The following AP1AR variants were observed in gnomAD, a reference collection of about 807,000 sequenced individuals.
The protein encoded by AP1AR is AP-1 complex-associated regulatory protein.
A neutral mutation model predicts 46.3 loss-of-function variants in AP1AR; 29 were observed. The ratio of observed to expected loss-of-function variants is 0.63; its 90% CI spans 0.47 to 0.85. AP1AR has a LOEUF of 0.85. AP1AR is among the 40% of genes least tolerant of loss of function. AP1AR has a pLI of 0.00. For missense variants in AP1AR, 357 were observed against 356.3 expected (o/e 1.00, Z -0.02); for synonymous variants, 122 against 122.9 (o/e 0.99, Z 0.05).
At position 112,232,153 on chromosome 4, in the gene AP1AR, A is replaced by G. The variant is rs773576366; in HGVS notation, c.62A>G (p.Gln21Arg). ...CTTCGCAAGGAAGCGGGGCGGCTGC[A>G]GCGAGTAGGCGGCGGCGGAGGGTAA... ...GLLRKEAGRL[Q>R]RVGGGGGSKY... The change falls in exon 1 of 10, where the codon CAG (glutamine) becomes CGG (arginine). Residue 21 changes from glutamine (Q) to arginine (R), a missense_variant. Coordinates refer to ENST00000274000, the MANE Select transcript of AP1AR (RefSeq NM_018569.6). 9.4e-6 allele frequency: 12 copies of G among 1,283,232 alleles called. No individual in the cohort carries two copies. The East Asian group carries it at 2.8e-4, about 30-fold the overall frequency. 79.5% of individuals were successfully genotyped at this position (1,283,232 alleles called of 1,614,324 possible).
intron 1 of AP1AR, among the ~76,000 whole-genome samples, chr4:112,242,405 G>A (rs1725541908): frequency 6.6e-6 from 1 of 151,938 alleles, no homozygotes; most frequent in African/African-American, 2.4e-5. Context: ...ATCTGTCTTA[G>A]GCTGTGTCGA....
At chr4:112,232,398 C>T (rs1725052607) in intron 1 of AP1AR, among the ~76,000 whole-genome samples, 1 of 152,216 alleles carries the variant, frequency 6.6e-6, no homozygotes, top group Non-Finnish European at 1.5e-5. Flanking sequence ...GGGTGTCCCT[C>T]CTGCCAGGGC....
chr4:112,249,907 A>G (rs1208024873), intron 1 of AP1AR, among the ~76,000 whole-genome samples: 1 of 152,210 alleles, frequency 6.6e-6, no homozygotes, highest in African/African-American at 2.4e-5. Flanking sequence ...GGCAATTACT[A>G]TCATCTGATG....
chr4:112,268,580 A>T lies in AP1AR; in HGVS notation c.*171A>T. 2 of 538,932 alleles carry T rather than the reference A, an allele frequency of 3.7e-6. No homozygotes were observed. Among genetic ancestry groups the T allele is most frequent in the Non-Finnish European group, 5.8e-6 (2 of 343,938 alleles). The allele number at this position is 538,932 out of a possible 1,614,324, so 33.4% of individuals were successfully genotyped here. A position where few individuals can be genotyped will look rare whatever the true frequency, so the allele number is the denominator to read the frequency against. ...GATGATAGGATCTGAATTGATACAG[A>T]ATTAAGTGCAATTTCATCATCTGCC... On this transcript the variant is annotated 3_prime_UTR_variant, in exon 10 of 10. Transcript: ENST00000274000.
chr4:112,261,503 G>A (rs1726440747), intron 5 of AP1AR, among the ~76,000 whole-genome samples: 1 of 152,050 alleles, frequency 6.6e-6, no homozygotes, highest in South Asian at 2.1e-4. Context: ...TTTTTGAAGA[G>A]TTTTTATCTT....
At chr4:112,245,488 C>T (rs553374729) in intron 1 of AP1AR, among the ~76,000 whole-genome samples, 14 of 152,232 alleles carry the variant, frequency 9.2e-5, no homozygotes, top group Admixed American at 4.6e-4. Context: ...AGATACTTTA[C>T]GTAATTTTTT....
rs74896176 is a variant in AP1AR, at chr4:112,249,222, G to A, written c.84-3986G>A. Among the ~76,000 whole-genome samples the A allele has an allele frequency of 1.9e-3, 285 of 151,698 alleles. 9 individuals are homozygous for A. In the East Asian group the frequency reaches 0.045, roughly 24 times the overall value. ...GGCAGGAGAATTGCTTGAACCCAGC[G>A]GGTGGAGGTTGTGAGCCAAGATCGT... On this transcript the variant is annotated intron_variant, in intron 1 of 9. Coordinates refer to ENST00000274000, the MANE Select transcript of AP1AR (RefSeq NM_018569.6).
At chr4:112,244,245 G>C (rs561213171) in intron 1 of AP1AR, among the ~76,000 whole-genome samples, 69 of 152,256 alleles carry the variant, frequency 4.5e-4, no homozygotes, top group African/African-American at 1.6e-3. Flanking sequence ...TGCATTTGTA[G>C]TTAAAATCCT....
In AP1AR at chr4:112,268,998, A is replaced by G. The variant is rs985762530; in HGVS notation, c.*589A>G. 1.1e-4 allele frequency: 17 copies of G among 151,778 alleles called. No individual in the cohort carries two copies. The highest frequency in any genetic ancestry group is 3.9e-4 in the African/African-American group (16 of 41,478). 9.4% of individuals were successfully genotyped at this position (151,778 alleles called of 1,614,324 possible). ...GTTTATTTACATGTCCTAGTATGAT[A>G]ATGTTGATTCAATCTGAACAAAAGA... On this transcript the variant is annotated 3_prime_UTR_variant, in exon 10 of 10. Transcript: ENST00000274000.
Position 112,253,230 on chromosome 4 carries a change from T to G in AP1AR, c.106T>G (p.Ser36Ala), listed in dbSNP as rs1391661074. 3 of 1,611,096 alleles carry G rather than the reference T, an allele frequency of 1.9e-6. No individual in the cohort carries two copies. The highest frequency in any genetic ancestry group is 2.7e-5 in the African/African-American group (2 of 74,760). The change falls in exon 2 of 10, where the codon TCA becomes GCA. Residue 36 changes from serine (S) to alanine (A), a missense_variant. By Grantham distance (99) the Ser-to-Ala change is moderately conservative (BLOSUM62 1). This residue lies in a region of AP1AR where 269 missense variants were observed against 223.6 expected (regional missense o/e 1.20). Transcript: ENST00000274000. Reference protein sequence around the residue: ...GGGSKYFRTCSRGEHLTIEFE... With the variant: ...GGGSKYFRTCARGEHLTIEFE... ...CAGATCCAAGTATTTTAGAACATGCTCAAGAGGTGAGCACTTAACAATAGA... is the reference window on the plus strand; with the variant it reads ...CAGATCCAAGTATTTTAGAACATGCGCAAGAGGTGAGCACTTAACAATAGA...
At chr4:112,260,198 G>A (rs1726379130) in intron 4 of AP1AR, among the ~76,000 whole-genome samples, 1 of 152,154 alleles carries the variant, frequency 6.6e-6, no homozygotes, top group Admixed American at 6.5e-5. Flanking sequence ...AAGAAGGTGA[G>A]TATGTTGGTA....
At position 112,271,733 on chromosome 4, in the gene AP1AR, A is replaced by G. The variant is rs575928367; in HGVS notation, c.*3324A>G. Among the ~76,000 whole-genome samples, 24 of 152,216 alleles carry G rather than the reference A, an allele frequency of 1.6e-4. No individual in the cohort carries two copies. The highest frequency in any genetic ancestry group is 1.5e-4 in the Non-Finnish European group (10 of 68,038). On this transcript the variant is annotated 3_prime_UTR_variant, in exon 10 of 10. Coordinates refer to ENST00000274000, the MANE Select transcript of AP1AR (RefSeq NM_018569.6). The stretch of plus-strand genomic sequence containing the variant: ...TTGAAAAGTTAACTTTGAGGTGTTC[A>G]TAAGATATTTGGATGAAGATGTCAA...
chr4:112,232,738 T>G (rs1286385076), intron 1 of AP1AR, among the ~76,000 whole-genome samples: 1 of 152,232 alleles, frequency 6.6e-6, no homozygotes, highest in African/African-American at 2.4e-5. Flanking sequence ...GGCATTCAGA[T>G]TCTTGGTGCT....
intron 1 of AP1AR, among the ~76,000 whole-genome samples, chr4:112,242,571 G>C (rs1725551854): frequency 6.6e-6 from 1 of 152,172 alleles, no homozygotes; most frequent in Non-Finnish European, 1.5e-5. Context: ...GGAAGCCACT[G>C]TGTGCAGAAA....
chr4:112,247,706 A>G (rs972461837), intron 1 of AP1AR, among the ~76,000 whole-genome samples: 2 of 152,336 alleles, frequency 1.3e-5, no homozygotes, highest in South Asian at 4.1e-4. Flanking sequence ...TACTATTATA[A>G]TAGCTTTCTA....
intron 4 of AP1AR, among the ~76,000 whole-genome samples, chr4:112,258,462 G>A (rs1726300862): frequency 6.6e-6 from 1 of 152,158 alleles, no homozygotes; most frequent in African/African-American, 2.4e-5. Flanking sequence ...TTCTCGAGAT[G>A]ACTAATTTCA....
chr4:112,270,195 C>G lies in AP1AR; in HGVS notation c.*1786C>G, dbSNP rs1349405991. The G allele has an allele frequency of 6.6e-6, 1 of 152,274 alleles. No individual in the cohort carries two copies. Among genetic ancestry groups the G allele is most frequent in the Non-Finnish European group, 1.5e-5 (1 of 67,964 alleles). The allele number at this position is 152,274 out of a possible 1,614,324, so 9.4% of individuals were successfully genotyped here. ...GATGGAACTAGAAAATGTGTTTTAA[C>G]TGTTAAAAAAAAGTTAACGTTTTGT... On this transcript the variant is annotated 3_prime_UTR_variant, in exon 10 of 10. Transcript: ENST00000274000.
rs75702975 is a variant in AP1AR at position 112,257,124 on chromosome 4, C to A, written c.160-648C>A. On this transcript the variant is annotated intron_variant, in intron 3 of 9. Coordinates refer to ENST00000274000, the MANE Select transcript of AP1AR (RefSeq NM_018569.6). Reference sequence around the variant, plus strand: ...TAGGAACACTGGAATACTTAGAGGTCATTTTAAACAGAAATCACCAGCAAA... The same window carrying A: ...TAGGAACACTGGAATACTTAGAGGTAATTTTAAACAGAAATCACCAGCAAA... 8.7e-4 allele frequency among the ~76,000 whole-genome samples: 132 copies of A among 152,234 alleles called. 1 individual carries two copies. In the East Asian group the frequency reaches 0.016, roughly 19 times the overall value.
chr4:112,253,965 A>G (rs1032862878), intron 2 of AP1AR, among the ~76,000 whole-genome samples: 3 of 152,230 alleles, frequency 2.0e-5, no homozygotes, highest in Admixed American at 6.5e-5. Flanking sequence ...ACTAATATAA[A>G]AAAAGATAAA....
Sources: gnomAD v4.1 joint callset for allele counts (sites outside exome capture counted in the v4.1 genomes callset) on GRCh38, gnomAD v4.1.1 for gene constraint, gnomAD v4.1.1 regional missense constraint, MANE v1.5 for transcripts, NCBI Gene and HGNC (gene_info 2026-07-23, HGNC 2026-07-21) for gene names.